CACHD1: variants seen among roughly 807,000 people sequenced by gnomAD.
CACHD1 encodes the protein VWFA and cache domain-containing protein 1.
CACHD1 carries 71 observed loss-of-function variants against 138.7 expected under a neutral mutation model. The ratio of observed to expected loss-of-function variants is 0.51; its 90% confidence interval spans 0.42 to 0.62. The LOEUF (loss-of-function observed/expected upper bound fraction) is 0.62, where lower values mean the gene tolerates loss of function less well. CACHD1 is among the 20% of genes least tolerant of loss of function. The pLI, the probability that CACHD1 is intolerant of heterozygous loss-of-function variation, is 0.00. For synonymous variants in CACHD1, 578 were observed against 591.5 expected (o/e 0.98, Z 0.33); for missense variants, 1,389 against 1,625.3 (o/e 0.85, Z 2.50).
At chr1:64,597,724 A>G (rs1220325003) in intron 3 of CACHD1, among the ~76,000 whole-genome samples, 4 of 151,932 alleles carry the variant, frequency 2.6e-5, no homozygotes, top group Non-Finnish European at 4.4e-5. Flanking sequence ...GGCATGAGGA[A>G]TGAAGCAAAC....
intron 4 of CACHD1, among the ~76,000 whole-genome samples, chr1:64,612,024 A>G (rs899865573): frequency 2.0e-5 from 3 of 152,074 alleles, no homozygotes; most frequent in African/African-American, 7.2e-5. Context: ...ACAGGAGGGG[A>G]TTGGGGTGGG....
chr1:64,574,440 T>C (rs979332717), intron 2 of CACHD1, among the ~76,000 whole-genome samples: 1 of 152,160 alleles, frequency 6.6e-6, no homozygotes, highest in African/African-American at 2.4e-5. Flanking sequence ...CCCGAGACTG[T>C]AATTACCTAT....
At chr1:64,673,557 CCTGTTTCATCGCCTTAGAA>C in intron 19 of CACHD1, 93 bp downstream of exon 19, 2 of 1,022,990 alleles carry the variant, frequency 2.0e-6, no homozygotes, top group South Asian at 2.7e-5. Flanking sequence ...ATTATTCCTA[CCTGTTTCATCGCCTTAGAA>C]CTATAGAATG....
chr1:64,552,160 C>T (rs528980402), intron 2 of CACHD1, among the ~76,000 whole-genome samples: 5 of 152,110 alleles, frequency 3.3e-5, no homozygotes, highest in African/African-American at 7.2e-5. Context: ...TTTTTCCCCC[C>T]ACCCCCTTTG....
At position 64,622,721 on chromosome 1, in the gene CACHD1, G is replaced by T. The variant is rs1238593803; in HGVS notation, c.518-6634G>T. Among the ~76,000 whole-genome samples the T allele has an allele frequency of 2.0e-5, 3 of 152,290 alleles. No individual in the cohort carries two copies. In the East Asian group the frequency reaches 5.8e-4, roughly 29 times the overall value. ...GCTGTGCTCTTGCCACCTTGAGCAT[G>T]TTAGTTCTGCATCTATAAAATAGGA... On this transcript the variant is annotated intron_variant, in intron 4 of 26. Coordinates refer to ENST00000651257, the MANE Select transcript of CACHD1 (RefSeq NM_020925.4).
chr1:64,671,008 G>T (rs1293341001), intron 16 of CACHD1, among the ~76,000 whole-genome samples: 4 of 152,150 alleles, frequency 2.6e-5, no homozygotes, highest in Non-Finnish European at 5.9e-5. Flanking sequence ...TATGGACCAG[G>T]AGAGTCTTGT....
At chr1:64,623,080 A>G (rs930101534) in intron 4 of CACHD1, among the ~76,000 whole-genome samples, 3 of 152,170 alleles carry the variant, frequency 2.0e-5, no homozygotes, top group African/African-American at 7.2e-5. Context: ...TTCTATATTG[A>G]TGTCACAATA....
intron 1 of CACHD1, among the ~76,000 whole-genome samples, chr1:64,516,249 G>A (rs772623223): frequency 6.6e-6 from 1 of 151,940 alleles, no homozygotes; most frequent in Non-Finnish European, 1.5e-5. Context: ...ATCAATTATC[G>A]CTATCTCTCC....
intron 17 of CACHD1, 71 bp from the exon 18 acceptor site, chr1:64,673,087 G>C (rs1479897699): frequency 2.4e-6 from 3 of 1,224,974 alleles, no homozygotes; most frequent in Non-Finnish European, 3.6e-6. Context: ...CAAGATAAAT[G>C]CTCTCTGAAT....
intron 5 of CACHD1, 111 bp from the exon 6 acceptor site, chr1:64,632,488 G>T: frequency 9.0e-7 from 1 of 1,105,342 alleles, no homozygotes; most frequent in South Asian, 1.5e-5. Flanking sequence ...TGCCATCCCT[G>T]GGAGAACACA....
intron 1 of CACHD1, 67 bp from the exon 2 acceptor site, chr1:64,550,527 C>A: frequency 9.2e-7 from 1 of 1,085,016 alleles, no homozygotes; most frequent in South Asian, 1.4e-5. Flanking sequence ...ACAAATTATT[C>A]ACATACACAC....
intron 16 of CACHD1, 79 bp downstream of exon 16, chr1:64,666,246 C>T (rs1474002761): frequency 1.9e-5 from 16 of 855,406 alleles, no homozygotes; most frequent in Non-Finnish European, 2.6e-5. Flanking sequence ...AGAGTACGCG[C>T]ACCAAGGCTT....
chr1:64,676,704 A>G (rs1182011890), intron 21 of CACHD1, among the ~76,000 whole-genome samples, 191 bp from the exon 22 acceptor site: 1 of 152,112 alleles, frequency 6.6e-6, no homozygotes, highest in Non-Finnish European at 1.5e-5. Context: ...GGTTATTTGT[A>G]TTACTTCTAC....
intron 1 of CACHD1, among the ~76,000 whole-genome samples, chr1:64,517,883 CATTG>C (rs1399402694): frequency 4.6e-5 from 7 of 152,250 alleles, no homozygotes; most frequent in African/African-American, 1.7e-4. Context: ...TACTCTATGT[CATTG>C]ATTGAACTTG....
At chr1:64,506,914 G>A (rs1646381291) in intron 1 of CACHD1, among the ~76,000 whole-genome samples, 1 of 152,238 alleles carries the variant, frequency 6.6e-6, no homozygotes, top group Admixed American at 6.5e-5. Flanking sequence ...ACCTATAGTT[G>A]TAAAGTGATT....
intron 13 of CACHD1, among the ~76,000 whole-genome samples, chr1:64,661,799 G>A (rs558748221): frequency 6.6e-6 from 1 of 152,272 alleles, no homozygotes; most frequent in South Asian, 2.1e-4. Context: ...TCCCAGGGTA[G>A]CCAATGAAGA....
At chr1:64,624,417 G>A (rs1648029172) in intron 4 of CACHD1, among the ~76,000 whole-genome samples, 1 of 152,158 alleles carries the variant, frequency 6.6e-6, no homozygotes, top group South Asian at 2.1e-4. Flanking sequence ...TTTAAATGAG[G>A]TCATTGAGCT....
intron 2 of CACHD1, among the ~76,000 whole-genome samples, chr1:64,568,966 A>C (rs1159958803): frequency 6.6e-6 from 1 of 152,010 alleles, no homozygotes; most frequent in Admixed American, 6.6e-5. Context: ...TTCTTGCCCA[A>C]GCTGGAGTGC....
intron 1 of CACHD1, among the ~76,000 whole-genome samples, chr1:64,510,282 C>T (rs963359904): frequency 1.3e-5 from 2 of 152,176 alleles, no homozygotes; most frequent in African/African-American, 4.8e-5. Context: ...TTTCAGCTGA[C>T]TTGCATCTTT....
Sources: gnomAD v4.1 joint callset for allele counts (sites outside exome capture counted in the v4.1 genomes callset) on GRCh38, gnomAD v4.1.1 for gene constraint, MANE v1.5 for transcripts, NCBI Gene and HGNC (gene_info 2026-07-23, HGNC 2026-07-21) for gene names.